F11: variants seen among roughly 807,000 people sequenced by gnomAD.
F11 encodes coagualtion factor XI.
In F11, 78 loss-of-function variants were observed where a neutral mutation model predicts 76.5. The observed-to-expected ratio is 1.02, with a 90% CI of 0.85 to 1.23. F11 has a LOEUF of 1.23. Ranked by LOEUF, F11 falls within the 50% of genes most tolerant of loss-of-function variation. The probability of loss-of-function intolerance (pLI) is 0.00; values close to 1 mark genes in which losing one functional copy is unlikely to be tolerated. For synonymous variants in F11, 278 were observed against 276.3 expected (o/e 1.01, Z -0.06); for missense variants, 742 against 771.4 (o/e 0.96, Z 0.45).
At chr4:186,281,823 G>A (rs3775306) in intron 10 of F11, 59,080 of 1,148,994 alleles carry the variant, frequency 0.051, 1,883 homozygotes, top group Middle Eastern at 0.13. Context: ...ATTATCTGCT[G>A]TACCGAGAAG....
chr4:186,288,680 T>C lies in F11; in HGVS notation c.*66T>C. 5 of 1,538,064 alleles carry C rather than the reference T, an allele frequency of 3.3e-6. No individual in the cohort carries two copies. In the Admixed American group the frequency reaches 9.5e-5, roughly 29 times the overall value. ...GATTTGCTGGGAGAGGGTGTTGAGTTCACTGTGCCAGCATGCTTCCTCCAC... is the reference window on the plus strand; with the variant it reads ...GATTTGCTGGGAGAGGGTGTTGAGTCCACTGTGCCAGCATGCTTCCTCCAC... On this transcript the variant is annotated 3_prime_UTR_variant, in exon 15 of 15. Transcript: ENST00000403665.
chr4:186,277,424 A>T (rs1740470504), intron 7 of F11, among the ~76,000 whole-genome samples: 2 of 151,996 alleles, frequency 1.3e-5, no homozygotes. Flanking sequence ...TCCTTTGGCT[A>T]TGTACCCAGT....
At chr4:186,286,715 C>T (rs570483870) in intron 13 of F11, 4 of 985,108 alleles carry the variant, frequency 4.1e-6, no homozygotes, top group African/African-American at 3.5e-5. Context: ...GTGACTAAAT[C>T]TCTTTAAAGA....
chr4:186,287,554 A>T (rs1473325314), intron 13 of F11, 130 bp from the exon 14 acceptor site: 2 of 297,906 alleles, frequency 6.7e-6, no homozygotes, highest in Non-Finnish European at 1.1e-5. Context: ...ACTGCACTCC[A>T]GCCTGGGCGA....
chr4:186,281,068 G>A (rs2126762282), intron 10 of F11, among the ~76,000 whole-genome samples: 1 of 152,012 alleles, frequency 6.6e-6, no homozygotes, highest in African/African-American at 2.4e-5. Flanking sequence ...TGTTGCCCAG[G>A]CTGGTCTTGA....
In F11 at chr4:186,281,776, G is replaced by A. The variant is rs141936246; in HGVS notation, c.1135+1196G>A. Among the ~76,000 whole-genome samples, 229 of 152,190 alleles carry A rather than the reference G, an allele frequency of 1.5e-3. 1 individual carries two copies. Among genetic ancestry groups the A allele is most frequent in the African/African-American group, 5.2e-3 (218 of 41,530 alleles). On this transcript the variant is annotated intron_variant, in intron 10 of 14. Coordinates refer to ENST00000403665, the MANE Select transcript of F11 (RefSeq NM_000128.4). The stretch of plus-strand genomic sequence containing the variant: ...AAAATGGAAGTAACAATCCTGCCTC[G>A]TGATAGTTTTAGAAGCACAAAAACA...
chr4:186,276,785 C>T (rs1243717740), intron 7 of F11, among the ~76,000 whole-genome samples: 1 of 151,916 alleles, frequency 6.6e-6, no homozygotes, highest in Non-Finnish European at 1.5e-5. Context: ...GATGGGGTTT[C>T]ACCATGTTGG....
chr4:186,289,517 TA>T lies in F11; in HGVS notation c.*906del, dbSNP rs1276431660. 6.6e-6 allele frequency among the ~76,000 whole-genome samples: 1 copy of T among 152,158 alleles called. No individual in the cohort carries two copies. Among genetic ancestry groups the T allele is most frequent in the East Asian group, 1.9e-4 (1 of 5,198 alleles). ...TTAGGGCGCAAATGGATAGTTACAG[TA>T]AAGTCTTCAGCAAGCAGCTGCCTGT... On this transcript the variant is annotated 3_prime_UTR_variant, in exon 15 of 15. Transcript: ENST00000403665.
chr4:186,288,417 G>T (rs1334725312), intron 14 of F11, 36 bp from the exon 15 acceptor site: 2 of 1,613,780 alleles, frequency 1.2e-6, no homozygotes, highest in South Asian at 1.1e-5. Flanking sequence ...CGTCTGAGTT[G>T]ATCTGTGCAC....
intron 5 of F11, chr4:186,275,122 A>G: frequency 2.2e-6 from 1 of 456,550 alleles, no homozygotes; most frequent in South Asian, 1.6e-5. Flanking sequence ...TTTTATGTCT[A>G]AGACTTAACA....
rs1427754005 is a variant in F11 at position 186,283,993 on chromosome 4, T to C, written c.1136-99T>C. ...TGTAACTCAGGGTCATGATAAACTA[T>C]TGACTTGAGGAAAGGTTTTCTTCTT... is the stretch of plus-strand genomic sequence containing the variant. On this transcript the variant is annotated intron_variant, in intron 10 of 14. Coordinates refer to ENST00000403665, the MANE Select transcript of F11 (RefSeq NM_000128.4). 15 of 1,586,794 alleles carry C rather than the reference T, an allele frequency of 9.5e-6. No individual in the cohort carries two copies. In the South Asian group the frequency reaches 1.2e-4, roughly 13 times the overall value.
intron 7 of F11, among the ~76,000 whole-genome samples, chr4:186,278,118 C>A (rs1740520004): frequency 6.6e-6 from 1 of 152,196 alleles, no homozygotes; most frequent in African/African-American, 2.4e-5. Context: ...TCATTGACAA[C>A]ATTCACTTAA....
chr4:186,268,172 A>G (rs4253403), intron 2 of F11, among the ~76,000 whole-genome samples: 5,753 of 152,308 alleles, frequency 0.038, 138 homozygotes, highest in South Asian at 0.052. Flanking sequence ...CAACATGTGC[A>G]GAGTTTTTTC....
chr4:186,268,612 A>C (rs1160979723), intron 2 of F11, among the ~76,000 whole-genome samples: 15 of 151,990 alleles, frequency 9.9e-5, no homozygotes, highest in Admixed American at 7.2e-4. Context: ...ATTTATAATC[A>C]CCGTGAATGG....
At chr4:186,271,173 C>A (rs1187556355) in intron 2 of F11, among the ~76,000 whole-genome samples, 1 of 152,052 alleles carries the variant, frequency 6.6e-6, no homozygotes, top group Non-Finnish European at 1.5e-5. Context: ...ACCCCCGAGC[C>A]ATCAGATGCT....
chr4:186,267,054 T>G (rs1194101920), intron 1 of F11, 82 bp from the exon 2 acceptor site: 3 of 890,288 alleles, frequency 3.4e-6, no homozygotes, highest in Non-Finnish European at 5.7e-6. Context: ...CTCTCCCTAT[T>G]TCTTGTAAGT....
chr4:186,272,923 T>C (rs1740084428), intron 3 of F11, 148 bp from the exon 4 acceptor site: 3 of 613,656 alleles, frequency 4.9e-6, no homozygotes, highest in Non-Finnish European at 8.7e-6. Context: ...AAAAACAAAC[T>C]CAGAATCTTG....
At chr4:186,270,423 G>C (rs1000442536) in intron 2 of F11, among the ~76,000 whole-genome samples, 3 of 152,082 alleles carry the variant, frequency 2.0e-5, no homozygotes, top group Non-Finnish European at 2.9e-5. Flanking sequence ...TATGTTTAGG[G>C]GGTGTAAGTG....
At chr4:186,276,494 G>A (rs1426974009) in intron 7 of F11, 104 bp downstream of exon 7, 2 of 1,316,966 alleles carry the variant, frequency 1.5e-6, no homozygotes, top group Non-Finnish European at 2.1e-6. Context: ...CTAAATGTCA[G>A]TATAGGATAA....
Sources: allele counts gnomAD v4.1 joint callset (sites outside exome capture counted in the v4.1 genomes callset), GRCh38; gene constraint gnomAD v4.1.1; transcripts MANE v1.5; gene names NCBI Gene and HGNC (gene_info 2026-07-23, HGNC 2026-07-21).